The following ZFPM2 variants were observed in gnomAD, a reference collection of about 807,000 sequenced individuals.
ZFPM2 encodes zinc finger protein ZFPM2.
In ZFPM2, 20 loss-of-function variants were observed where a neutral mutation model predicts 98.6. The observed-to-expected ratio is 0.20, with a 90% CI of 0.14 to 0.29. The LOEUF is 0.29. ZFPM2 is among the 10% of genes least tolerant of loss of function. ZFPM2 has a pLI of 1.00. For missense variants in ZFPM2, 1,310 were observed against 1,388.6 expected (o/e 0.94, Z 0.90); for synonymous variants, 518 against 502.7 (o/e 1.03, Z -0.41).
At position 105,463,571 on chromosome 8, in the gene ZFPM2, T is replaced by G. The variant is rs569160653; in HGVS notation, c.301+19190T>G. On this transcript the variant is annotated intron_variant, in intron 3 of 7. Transcript: ENST00000407775. ...GATTAACTCAGGACAACATGTTTAT[T>G]CATTTATCTCTAAACAAACAAACTA... Among the ~76,000 whole-genome samples the G allele has an allele frequency of 2.7e-4, 41 of 152,152 alleles. No homozygotes were observed. In the South Asian group the frequency reaches 7.0e-3, roughly 26 times the overall value.
intron 3 of ZFPM2, among the ~76,000 whole-genome samples, chr8:105,458,003 A>C (rs754219611): frequency 5.3e-5 from 8 of 152,220 alleles, no homozygotes; most frequent in Non-Finnish European, 8.8e-5. Flanking sequence ...AAATCTAACC[A>C]GGGACCCTGG....
In ZFPM2 at chr8:105,441,476, A is replaced by G. The variant is rs568431540; in HGVS notation, c.200-2804A>G. 7.6e-5 allele frequency among the ~76,000 whole-genome samples: 7 copies of G among 91,772 alleles called. 2 individuals carry two copies. The highest frequency in any genetic ancestry group is 5.0e-4 in the African/African-American group (7 of 13,964). The allele number at this position is 91,772 out of a possible 152,430, so 60.2% of individuals were successfully genotyped here. On this transcript the variant is annotated intron_variant, in intron 2 of 7. Transcript: ENST00000407775. ...AGAGAAAGAAAGAAAGAAAGAAAGA[A>G]AGAAAGAAAGAAAGAAAGAAAGAAA...
intron 1 of ZFPM2, among the ~76,000 whole-genome samples, chr8:105,397,417 G>C (rs1463908355): frequency 6.6e-6 from 1 of 152,032 alleles, no homozygotes; most frequent in Non-Finnish European, 1.5e-5. Flanking sequence ...CAGCAAAGTA[G>C]TTTTGCTGTA....
At chr8:105,400,133 T>C (rs1200856800) in intron 1 of ZFPM2, among the ~76,000 whole-genome samples, 6 of 152,192 alleles carry the variant, frequency 3.9e-5, no homozygotes, top group African/African-American at 7.2e-5. Flanking sequence ...TGCTTCGTGA[T>C]TCTTTCATTG....
Position 105,694,282 on chromosome 8 carries a change from A to G in ZFPM2, c.532+59925A>G, listed in dbSNP as rs527339689. On this transcript the variant is annotated intron_variant, in intron 5 of 7. Transcript: ENST00000407775. ...ATTACAGGCCTGAGCCACCGCGCCCAGCCTCTCCAAATTTTTTTAAGTTTC... is the reference window on the plus strand; with the variant it reads ...ATTACAGGCCTGAGCCACCGCGCCCGGCCTCTCCAAATTTTTTTAAGTTTC... Among the ~76,000 whole-genome samples, 478 of 152,092 alleles carry G rather than the reference A, an allele frequency of 3.1e-3. 1 individual carries two copies. Among genetic ancestry groups the G allele is most frequent in the African/African-American group, 3.7e-3 (155 of 41,512 alleles).
intron 5 of ZFPM2, among the ~76,000 whole-genome samples, chr8:105,748,736 C>T (rs1358157997): frequency 6.6e-6 from 1 of 152,024 alleles, no homozygotes; most frequent in Non-Finnish European, 1.5e-5. Context: ...AAGTACTAAA[C>T]TGATAGCACC....
At chr8:105,665,012 T>C (rs1404523202) in intron 5 of ZFPM2, among the ~76,000 whole-genome samples, 2 of 152,154 alleles carry the variant, frequency 1.3e-5, no homozygotes, top group African/African-American at 4.8e-5. Flanking sequence ...CAGATAAATT[T>C]ATAATGGTAA....
chr8:105,795,246 TTGTGTGTGTGTGTGTGTGTGTGTGTG>T (rs780534248), intron 6 of ZFPM2, among the ~76,000 whole-genome samples: 27 of 138,228 alleles, frequency 2.0e-4, no homozygotes, highest in Admixed American at 1.7e-3. Context: ...CATTTTATCT[TTGTGTGTGTGTGTGTGTGTGTGTGTG>T]TGTGTGTGTG....
intron 1 of ZFPM2, among the ~76,000 whole-genome samples, chr8:105,343,571 C>G (rs1482019624): frequency 6.6e-6 from 1 of 152,114 alleles, no homozygotes; most frequent in Non-Finnish European, 1.5e-5. Context: ...GGTCTACATT[C>G]TACTCACTGA....
Position 105,318,449 on chromosome 8 carries a change from T to A in ZFPM2, c.-493T>A, listed in dbSNP as rs1191947541. On this transcript the variant is annotated 5_prime_UTR_variant, in exon 1 of 8. Coordinates refer to ENST00000407775, the MANE Select transcript of ZFPM2 (RefSeq NM_012082.4). ...CCGCCTCCCGCCGCAGAACAGGAGC[T>A]GCGCGGCCCGGAGCGGCGGCGGCGG... Among the ~76,000 whole-genome samples, 10 of 151,434 alleles carry A rather than the reference T, an allele frequency of 6.6e-5. No individual in the cohort carries two copies. The highest frequency in any genetic ancestry group is 1.5e-4 in the Non-Finnish European group (10 of 67,782).
chr8:105,695,378 ATT>A (rs1165726984), intron 5 of ZFPM2, among the ~76,000 whole-genome samples: 2,049 of 74,808 alleles, frequency 0.027, 31 homozygotes, highest in African/African-American at 0.1. Context: ...AATGGTTTGT[ATT>A]TTTTTTTTTT....
chr8:105,481,064 T>A (rs1193262074), intron 3 of ZFPM2, among the ~76,000 whole-genome samples: 2 of 152,148 alleles, frequency 1.3e-5, no homozygotes, highest in African/African-American at 2.4e-5. Context: ...TTACATTTTT[T>A]AAAAATCCAG....
At position 105,346,167 on chromosome 8, in the gene ZFPM2, G is replaced by A. The variant is rs1812522628; in HGVS notation, c.40+27186G>A. Among the ~76,000 whole-genome samples the A allele has an allele frequency of 1.3e-5, 2 of 151,986 alleles. 1 individual carries two copies. The highest frequency in any genetic ancestry group is 4.2e-4 in the South Asian group (2 of 4,818). On this transcript the variant is annotated intron_variant, in intron 1 of 7. Transcript: ENST00000407775. ...TTGGGAGGCTGTGGCAGGTGGATCA[G>A]CTGAGTTCAGGAGTTCGAGAGCAGC... is the stretch of plus-strand genomic sequence containing the variant.
chr8:105,439,207 T>G (rs1812187593), intron 2 of ZFPM2, among the ~76,000 whole-genome samples: 2 of 152,172 alleles, frequency 1.3e-5, no homozygotes, highest in Admixed American at 1.3e-4. Flanking sequence ...ATAACTTCTC[T>G]AAGTGGTTCT....
At chr8:105,775,647 G>A (rs1480430233) in intron 5 of ZFPM2, among the ~76,000 whole-genome samples, 3 of 152,100 alleles carry the variant, frequency 2.0e-5, no homozygotes, top group South Asian at 2.1e-4. Context: ...AGCTGCAAGC[G>A]AAATTTTGAC....
At chr8:105,720,738 T>C (rs1811641100) in intron 5 of ZFPM2, among the ~76,000 whole-genome samples, 1 of 151,878 alleles carries the variant, frequency 6.6e-6, no homozygotes, top group African/African-American at 2.4e-5. Context: ...TCTGAATTCT[T>C]ATCCTAAAAT....
At chr8:105,353,354 G>C (rs1056755830) in intron 1 of ZFPM2, among the ~76,000 whole-genome samples, 1 of 152,012 alleles carries the variant, frequency 6.6e-6, no homozygotes, top group Non-Finnish European at 1.5e-5. Flanking sequence ...GCCTCCTTTT[G>C]TGTGACTGGT....
intron 4 of ZFPM2, among the ~76,000 whole-genome samples, chr8:105,582,836 C>T (rs1000382954): frequency 2.0e-5 from 3 of 152,148 alleles, no homozygotes; most frequent in Non-Finnish European, 4.4e-5. Context: ...TCAAGTGATC[C>T]ACCTGCCTCG....
At chr8:105,433,655 C>T (rs960604296) in intron 2 of ZFPM2, among the ~76,000 whole-genome samples, 6 of 152,080 alleles carry the variant, frequency 3.9e-5, no homozygotes, top group Admixed American at 1.3e-4. Context: ...GGCGTGGTGG[C>T]GGGAGCCTGT....
Sources: gnomAD v4.1 joint callset for allele counts (sites outside exome capture counted in the v4.1 genomes callset) on GRCh38, gnomAD v4.1.1 for gene constraint, MANE v1.5 for transcripts, NCBI Gene and HGNC (gene_info 2026-07-23, HGNC 2026-07-21) for gene names.